CPAP: variants seen among roughly 807,000 people sequenced by gnomAD.
CPAP encodes the protein centrosomal P4.1-associated protein.
At chr13:24,931,697 A>G in the CPAP span, among the ~76,000 whole-genome samples, 6 of 152,218 alleles carry the variant, frequency 3.9e-5, no homozygotes, top group African/African-American at 1.2e-4. Context: ...ACTAGTTACA[A>G]AAATATATTT....
chr13:24,899,592 G>C, the CPAP span: 1 of 1,611,288 alleles, frequency 6.2e-7, no homozygotes, highest in Non-Finnish European at 8.5e-7. Flanking sequence ...TTCCTAAAAT[G>C]ACCAAACTAT....
the CPAP span, among the ~76,000 whole-genome samples, chr13:24,921,036 T>C: frequency 2.0e-5 from 3 of 152,164 alleles, no homozygotes; most frequent in South Asian, 2.1e-4. Flanking sequence ...TGTGTGAAAG[T>C]TGATCATACA....
the CPAP span, among the ~76,000 whole-genome samples, chr13:24,900,706 T>G: frequency 1.3e-5 from 2 of 152,008 alleles, no homozygotes; most frequent in Non-Finnish European, 2.9e-5. Flanking sequence ...GCTCTGGATG[T>G]GTGTGAAGAG....
At chr13:24,903,864 T>TG in the CPAP span, 1 of 1,490,800 alleles carries the variant, frequency 6.7e-7, no homozygotes, top group Non-Finnish European at 9.4e-7. Context: ...TGTTTATAGA[T>TG]GGTCTTAAAG....
chr13:24,886,701 A>T, the CPAP span, among the ~76,000 whole-genome samples: 2 of 152,228 alleles, frequency 1.3e-5, no homozygotes, highest in Non-Finnish European at 2.9e-5. Context: ...AAACTAAACT[A>T]TAACTAAAGC....
chr13:24,884,959 A>C, the CPAP span, among the ~76,000 whole-genome samples: 2 of 152,208 alleles, frequency 1.3e-5, no homozygotes, highest in Non-Finnish European at 2.9e-5. Context: ...AACTTTCCTA[A>C]GCATAAGAAT....
chr13:24,912,665 T>A, the CPAP span: 16 of 1,613,730 alleles, frequency 9.9e-6, no homozygotes, highest in Non-Finnish European at 1.3e-5. Context: ...TCATTTTTGT[T>A]TTCTTCCTGG....
chr13:24,931,302 G>GTTTCTTTTT, the CPAP span, among the ~76,000 whole-genome samples: 9 of 9,070 alleles, frequency 9.9e-4, 2 homozygotes, highest in Admixed American at 7.3e-3. Flanking sequence ...ATTTTTTCAT[G>GTTTCTTTTT]TTTCTTTTTT....
chr13:24,904,656 A>G, the CPAP span, among the ~76,000 whole-genome samples: 1 of 152,224 alleles, frequency 6.6e-6, no homozygotes, highest in South Asian at 2.1e-4. Flanking sequence ...CATAGCAGTT[A>G]CTTTTGGGTA....
the CPAP span, among the ~76,000 whole-genome samples, chr13:24,893,485 G>A: frequency 6.6e-6 from 1 of 152,242 alleles, no homozygotes; most frequent in African/African-American, 2.4e-5. Context: ...CAGCAGGTGC[G>A]GCCCGGCCCA....
chr13:24,906,961 C>T, the CPAP span: 1 of 1,612,620 alleles, frequency 6.2e-7, no homozygotes, highest in African/African-American at 1.3e-5. Context: ...CTTCTGCTTC[C>T]TAAAATAAAA....
chr13:24,926,710 G>A, the CPAP span, among the ~76,000 whole-genome samples: 1 of 152,110 alleles, frequency 6.6e-6, no homozygotes, highest in Non-Finnish European at 1.5e-5. Context: ...ACAGTTACGG[G>A]ACCCTGTCTT....
the CPAP span, chr13:24,892,821 T>G: frequency 6.2e-7 from 1 of 1,613,736 alleles, no homozygotes; most frequent in African/African-American, 1.3e-5. Flanking sequence ...TTTGGTTTCC[T>G]TTCTTTTCAA....
At chr13:24,882,337 A>G in the CPAP span, 1 of 151,736 alleles carries the variant, frequency 6.6e-6, no homozygotes, top group African/African-American at 2.4e-5. Context: ...GATAGATTTC[A>G]TTAACAAAAC....
At chr13:24,918,903 A>T in the CPAP span, among the ~76,000 whole-genome samples, 1 of 152,156 alleles carries the variant, frequency 6.6e-6, no homozygotes, top group Admixed American at 6.5e-5. Context: ...ATGTTGTTCG[A>T]GAGTCAACTG....
chr13:24,888,594 A>G, the CPAP span, among the ~76,000 whole-genome samples: 2 of 152,200 alleles, frequency 1.3e-5, no homozygotes, highest in African/African-American at 4.8e-5. Flanking sequence ...AAACTGGTAC[A>G]ACCATGTTGC....
the CPAP span, among the ~76,000 whole-genome samples, chr13:24,895,342 G>T: frequency 6.6e-6 from 1 of 152,230 alleles, no homozygotes; most frequent in Non-Finnish European, 1.5e-5. Flanking sequence ...TTGGGAGGCT[G>T]AGACGGGCGG....
chr13:24,898,047 C>T, the CPAP span, among the ~76,000 whole-genome samples: 5 of 152,176 alleles, frequency 3.3e-5, no homozygotes, highest in Admixed American at 3.3e-4. Flanking sequence ...AGGCACACCA[C>T]GACACCCGGC....
At chr13:24,885,631 T>TCCTCTG in the CPAP span, 1 of 1,612,838 alleles carries the variant, frequency 6.2e-7, no homozygotes, top group Non-Finnish European at 8.5e-7. Flanking sequence ...ATTGCCTAAA[T>TCCTCTG]CACGAGGAGG....
Sources: allele counts gnomAD v4.1 joint callset (sites outside exome capture counted in the v4.1 genomes callset), GRCh38; gene constraint gnomAD v4.1.1; transcripts MANE v1.5; gene names NCBI Gene and HGNC (gene_info 2026-07-23, HGNC 2026-07-21).